Variants in ZNF654 observed in about 807,000 individuals in gnomAD.
ZNF654 encodes melanoma-associated antigen.
ZNF654 carries 19 observed loss-of-function variants against 95.3 expected under a neutral mutation model. The observed-to-expected ratio is 0.20, with a 90% confidence interval of 0.14 to 0.29. The LOEUF (loss-of-function observed/expected upper bound fraction) is 0.29. Ranked by LOEUF, ZNF654 falls within the 10% of genes least tolerant of loss-of-function variation. The pLI is 1.00. For synonymous variants in ZNF654, 413 were observed against 457.9 expected (o/e 0.90, Z 1.25); for missense variants, 1,046 against 1,341.0 (o/e 0.78, Z 3.44).
chr3:88,066,904 T>G (rs1707233281), intron 1 of ZNF654, among the ~76,000 whole-genome samples: 1 of 152,204 alleles, frequency 6.6e-6, no homozygotes, highest in Non-Finnish European at 1.5e-5. Context: ...AATGACACAT[T>G]AATTGTATAT....
chr3:88,129,779 A>G lies in ZNF654; in HGVS notation c.846A>G (p.Glu282=). Residue 282 remains glutamate (E), a synonymous_variant, in exon 6 of 9, where the codon GAA becomes GAG. Transcript: ENST00000636215. ...CTATGTTAGCCTTGCAACTCTGTGA[A>G]TCCTTTCTTATTCCACAGCTCCAGA... ...GKTMLALQLC[E]SFLIPQLQNG... 1 of 1,527,718 alleles carries G rather than the reference A, an allele frequency of 6.5e-7. No homozygotes were observed. Among genetic ancestry groups the G allele is most frequent in the Non-Finnish European group, 8.8e-7 (1 of 1,141,204 alleles). 94.6% of individuals were successfully genotyped at this position (1,527,718 alleles called of 1,614,324 possible).
Position 88,139,905 on chromosome 3 carries a change from T to C in ZNF654, c.2236T>C (p.Phe746Leu). The C allele has an allele frequency of 6.2e-7, 1 of 1,613,396 alleles. No homozygotes were observed. The highest frequency in any genetic ancestry group is 8.5e-7 in the Non-Finnish European group (1 of 1,179,658). ...DIYATDQEGN[F>L]KCPALGCVRI... is the part of the protein sequence containing the mutation. Reference sequence around the variant, plus strand: ...ATATGCCACAGATCAAGAAGGAAACTTTAAGTGTCCTGCTCTTGGTTGTGT... The same window carrying C: ...ATATGCCACAGATCAAGAAGGAAACCTTAAGTGTCCTGCTCTTGGTTGTGT... Residue 746 changes from phenylalanine to leucine, a missense_variant, in exon 8 of 9, where the codon TTT (phenylalanine) becomes CTT (leucine). By Grantham distance (22) the Phe-to-Leu change is conservative. This residue lies in a region of ZNF654 where 495 missense variants were observed against 537.0 expected (regional missense o/e 0.92). Transcript: ENST00000636215.
intron 1 of ZNF654, among the ~76,000 whole-genome samples, chr3:88,068,171 A>G (rs1156525201): frequency 2.0e-5 from 3 of 151,832 alleles, no homozygotes; most frequent in African/African-American, 4.8e-5. Context: ...GAATTTGATC[A>G]TTGTGAATGC....
chr3:88,128,445 TAAGA>T (rs1050263855), intron 4 of ZNF654, among the ~76,000 whole-genome samples: 2 of 152,074 alleles, frequency 1.3e-5, no homozygotes, highest in African/African-American at 4.8e-5. Context: ...TATTGAGCAG[TAAGA>T]AGATAAAGTA....
chr3:88,075,283 C>G (rs1559692920), intron 1 of ZNF654, among the ~76,000 whole-genome samples: 1 of 152,188 alleles, frequency 6.6e-6, no homozygotes, highest in Admixed American at 6.5e-5. Flanking sequence ...TAGTCATTTC[C>G]TTGCAGCCTC....
In ZNF654 at chr3:88,064,345, T is replaced by A. The variant is rs141109323; in HGVS notation, c.186+4840T>A. On this transcript the variant is annotated intron_variant, in intron 1 of 8. Coordinates refer to ENST00000636215, the MANE Select transcript of ZNF654 (RefSeq NM_001350134.2). ...TCACTATTGATCTCACTATTGAGCA[T>A]GTTCACTATGTACACTTTGATTATA... Among the ~76,000 whole-genome samples the A allele has an allele frequency of 5.3e-3, 812 of 152,322 alleles. 4 individuals carry two copies. The highest frequency in any genetic ancestry group is 0.017 in the African/African-American group (699 of 41,582).
chr3:88,141,207 A>C (rs1707109026), intron 8 of ZNF654, 159 bp downstream of exon 8: 1 of 787,908 alleles, frequency 1.3e-6, no homozygotes, highest in Non-Finnish European at 1.9e-6. Context: ...TACAACCACT[A>C]TGAGGTGATA....
chr3:88,097,137 A>G (rs1188287550), intron 2 of ZNF654, among the ~76,000 whole-genome samples: 2 of 152,158 alleles, frequency 1.3e-5, no homozygotes, highest in Admixed American at 1.3e-4. Context: ...ATTACCATGT[A>G]TGACCGGAAT....
chr3:88,132,086 C>G (rs1470137351), intron 6 of ZNF654, among the ~76,000 whole-genome samples: 1 of 152,046 alleles, frequency 6.6e-6, no homozygotes, highest in African/African-American at 2.4e-5. Context: ...GTCATTTAAC[C>G]CAACAAGCTT....
At chr3:88,117,740 T>C (rs750415278) in intron 3 of ZNF654, among the ~76,000 whole-genome samples, 50 of 152,262 alleles carry the variant, frequency 3.3e-4, no homozygotes, top group Non-Finnish European at 6.3e-4. Flanking sequence ...CAGATTATGG[T>C]ATTGATTGGA....
At chr3:88,071,664 C>G (rs550359883) in intron 1 of ZNF654, among the ~76,000 whole-genome samples, 1 of 151,546 alleles carries the variant, frequency 6.6e-6, no homozygotes, top group Non-Finnish European at 1.5e-5. Context: ...ATTAGCCGGG[C>G]GTGGTGGCGG....
intron 2 of ZNF654, chr3:88,095,735 CTTG>C: frequency 2.6e-6 from 1 of 391,030 alleles, no homozygotes; most frequent in Non-Finnish European, 4.9e-6. Flanking sequence ...TCTCCCCAGG[CTTG>C]TTATTTTAAC....
At position 88,134,271 on chromosome 3, in the gene ZNF654, T is replaced by G. The variant is rs537208162; in HGVS notation, c.894-790T>G. Among the ~76,000 whole-genome samples, 17 of 152,240 alleles carry G rather than the reference T, an allele frequency of 1.1e-4. 1 individual carries two copies. In the South Asian group the frequency reaches 3.5e-3, roughly 32 times the overall value. ...GATGGTAATCAAGCTGTCCTTAGAT[T>G]TAATACCTGTATGTGCTGAGTTCAA... On this transcript the variant is annotated intron_variant, in intron 6 of 8. Coordinates refer to ENST00000636215, the MANE Select transcript of ZNF654 (RefSeq NM_001350134.2).
intron 2 of ZNF654, among the ~76,000 whole-genome samples, chr3:88,103,205 G>A (rs1180181131): frequency 7.2e-5 from 11 of 151,990 alleles, no homozygotes; most frequent in African/African-American, 2.4e-4. Context: ...AAGAGATAAA[G>A]CAATCAGTAG....
At position 88,139,628 on chromosome 3, in the gene ZNF654, C is replaced by T; in HGVS notation, c.1959C>T (p.Val653=). 1 of 1,613,374 alleles carries T rather than the reference C, an allele frequency of 6.2e-7. No individual in the cohort carries two copies. Among genetic ancestry groups the T allele is most frequent in the Non-Finnish European group, 8.5e-7 (1 of 1,179,626 alleles). ...CTTCTAGTGAAGGAAACAAAGAAGT[C>T]ATCCCTGAGCATGTGGCTGAATTCA... ...LTASSEGNKE[V]IPEHVAEFIE... Residue 653 remains valine, a synonymous_variant, in exon 8 of 9, where the codon GTC becomes GTT. Coordinates refer to ENST00000636215, the MANE Select transcript of ZNF654 (RefSeq NM_001350134.2).
At chr3:88,127,446 T>TAAAAAAAA (rs71131550) in intron 4 of ZNF654, among the ~76,000 whole-genome samples, 1 of 147,606 alleles carries the variant, frequency 6.8e-6, no homozygotes, top group African/African-American at 2.5e-5. Context: ...GAAAGGGAGT[T>TAAAAAAAA]AAAAAAAAAA....
chr3:88,068,352 A>G (rs1447972686), intron 1 of ZNF654, among the ~76,000 whole-genome samples: 1 of 152,168 alleles, frequency 6.6e-6, no homozygotes, highest in Non-Finnish European at 1.5e-5. Flanking sequence ...GTGGCAAAAC[A>G]TAGCACAGAG....
At chr3:88,079,512 A>G (rs1156506690) in intron 1 of ZNF654, among the ~76,000 whole-genome samples, 1 of 152,046 alleles carries the variant, frequency 6.6e-6, no homozygotes, top group East Asian at 1.9e-4. Context: ...TTTGTTTCAT[A>G]ATGAAGAATT....
At chr3:88,067,728 G>GTT (rs1394042245) in intron 1 of ZNF654, among the ~76,000 whole-genome samples, 2 of 152,218 alleles carry the variant, frequency 1.3e-5, no homozygotes, top group African/African-American at 4.8e-5. Context: ...AAACAGAGCT[G>GTT]TTTTGGTGTA....
Sources: allele counts gnomAD v4.1 joint callset (sites outside exome capture counted in the v4.1 genomes callset), GRCh38; gene constraint gnomAD v4.1.1; regional missense constraint gnomAD v4.1.1; transcripts MANE v1.5; gene names NCBI Gene and HGNC (gene_info 2026-07-23, HGNC 2026-07-21).